PTPRN2: variants seen among roughly 807,000 people sequenced by gnomAD.
PTPRN2 encodes receptor-type tyrosine-protein phosphatase N2.
Under a neutral mutation model 118.8 loss-of-function variants are expected in PTPRN2, and 74 were observed. That is an observed-to-expected ratio of 0.62 (90% confidence interval 0.52 to 0.76). The LOEUF is 0.76. Ranked by LOEUF, PTPRN2 falls within the 30% of genes least tolerant of loss-of-function variation. The pLI is 0.00. For missense variants in PTPRN2, 1,481 were observed against 1,394.4 expected, an observed-to-expected ratio of 1.06 and a Z score of -0.99; for synonymous variants, 641 against 608.0, an observed-to-expected ratio of 1.05 and a Z score of -0.80.
intron 11 of PTPRN2, among the ~76,000 whole-genome samples, chr7:157,900,650 T>A (rs774523084): frequency 2.2e-4 from 34 of 152,170 alleles, no homozygotes; most frequent in Non-Finnish European, 2.5e-4. Context: ...TGCTCTGAGC[T>A]CCTCAGTCTG....
rs1022492390 is a variant in PTPRN2 at position 157,764,915 on chromosome 7, CCATT to C, written c.1789-81982_1789-81979del. On this transcript the variant is annotated intron_variant, in intron 12 of 22. Transcript: ENST00000389418. The surrounding 1 kb of genome is among the most constrained non-coding windows in gnomAD (Gnocchi z 4.5). ...CCCATCCATCTACCCATCCATCCAT[CCATT>C]GATCCATCCATATCCATCCATCCAT... Among the ~76,000 whole-genome samples, 12 of 150,810 alleles carry C rather than the reference CCATT, an allele frequency of 8.0e-5. No individual in the cohort carries two copies. The highest frequency in any genetic ancestry group is 2.0e-4 in the Admixed American group (3 of 15,148).
In PTPRN2 at chr7:157,583,504, G is replaced by C. The variant is rs1296364792; in HGVS notation, c.2497-5364C>G. On this transcript the variant is annotated intron_variant, in intron 17 of 22. Coordinates refer to ENST00000389418, the MANE Select transcript of PTPRN2 (RefSeq NM_002847.5). The surrounding 1 kb of genome is among the most constrained non-coding windows in gnomAD (Gnocchi z 5.5). ...AGAAACGGTAACTACGCGAGGAGACGTGTATTCATTAGCTTGACTGTGGTC... is the reference window on the plus strand; with the variant it reads ...AGAAACGGTAACTACGCGAGGAGACCTGTATTCATTAGCTTGACTGTGGTC... 6.6e-6 allele frequency among the ~76,000 whole-genome samples: 1 copy of C among 152,146 alleles called. No homozygotes were observed. Among genetic ancestry groups the C allele is most frequent in the African/African-American group, 2.4e-5 (1 of 41,442 alleles).
intron 5 of PTPRN2, among the ~76,000 whole-genome samples, chr7:158,189,633 C>T (rs907976796): frequency 8.5e-5 from 13 of 152,334 alleles, no homozygotes; most frequent in South Asian, 2.1e-4. Context: ...AAACTTCTTC[C>T]GAGTCTCTGA....
intron 1 of PTPRN2, among the ~76,000 whole-genome samples, chr7:158,534,632 C>T (rs1429444145): frequency 6.6e-6 from 1 of 152,208 alleles, no homozygotes; most frequent in African/African-American, 2.4e-5. Context: ...AGCTTGTCCA[C>T]CACAGTCCCT....
chr7:158,140,954 C>G (rs533062829), intron 6 of PTPRN2, among the ~76,000 whole-genome samples: 1 of 152,194 alleles, frequency 6.6e-6, no homozygotes, highest in South Asian at 2.1e-4. Flanking sequence ...CTCATGGCCA[C>G]GTCTCTACCT....
At position 157,729,003 on chromosome 7, in the gene PTPRN2, G is replaced by A. The variant is rs562646745; in HGVS notation, c.1789-46066C>T. Among the ~76,000 whole-genome samples, 57 of 152,310 alleles carry A rather than the reference G, an allele frequency of 3.7e-4. No homozygotes were observed. The highest frequency in any genetic ancestry group is 3.4e-3 in the Middle Eastern group (1 of 294). On this transcript the variant is annotated intron_variant, in intron 12 of 22. Transcript: ENST00000389418. This position sits in a 1 kb window ranked among gnomAD's most constrained non-coding sequence, Gnocchi z 4.3. ...CCGGGGCCAGGGGAGTTTGGCTCAC[G>A]TGATCCAGTCACACAGAGGTCGGTC...
intron 17 of PTPRN2, among the ~76,000 whole-genome samples, chr7:157,586,870 G>A (rs1800705131): frequency 6.6e-6 from 1 of 152,240 alleles, no homozygotes; most frequent in South Asian, 2.1e-4. Context: ...CGGGCTGAGC[G>A]GATGCCATCT....
chr7:157,883,318 A>G (rs990671415), intron 12 of PTPRN2, among the ~76,000 whole-genome samples: 3 of 151,594 alleles, frequency 2.0e-5, no homozygotes, highest in Admixed American at 6.6e-5. Context: ...GTTGGAGATC[A>G]GAACACACCA....
chr7:158,091,920 TTGGGTGGG>T (rs1585409835), intron 10 of PTPRN2, among the ~76,000 whole-genome samples: 4 of 66,068 alleles, frequency 6.1e-5, no homozygotes, highest in Admixed American at 1.7e-4. Context: ...AGAGAGATGG[TTGGGTGGG>T]TGGGTGGATG....
chr7:158,543,932 C>T (rs1402947499), intron 1 of PTPRN2, among the ~76,000 whole-genome samples: 2 of 152,342 alleles, frequency 1.3e-5, no homozygotes, highest in Admixed American at 6.5e-5. Context: ...GAAGCAGCTC[C>T]GCACTGTGGG....
chr7:158,085,189 G>A (rs556462136), intron 10 of PTPRN2, among the ~76,000 whole-genome samples: 19 of 98,584 alleles, frequency 1.9e-4, no homozygotes, highest in African/African-American at 6.1e-4. Flanking sequence ...CACCCACGAC[G>A]CCCATCCACA....
At chr7:158,428,368 C>T (rs1815910678) in intron 2 of PTPRN2, among the ~76,000 whole-genome samples, 1 of 152,096 alleles carries the variant, frequency 6.6e-6, no homozygotes, top group Admixed American at 6.5e-5. Flanking sequence ...CTCGGGGGAA[C>T]CCTTAGGGAA....
chr7:158,179,602 A>C (rs1824518405), intron 5 of PTPRN2, among the ~76,000 whole-genome samples: 1 of 152,270 alleles, frequency 6.6e-6, no homozygotes, highest in Middle Eastern at 3.4e-3. Context: ...ATCTTCTAGA[A>C]GTTTTATGGT....
intron 11 of PTPRN2, among the ~76,000 whole-genome samples, chr7:157,980,688 G>GT (rs1195829287): frequency 3.9e-5 from 6 of 152,150 alleles, no homozygotes; most frequent in Non-Finnish European, 7.4e-5. Flanking sequence ...CTGGGCGGAG[G>GT]TTGCAAGTGA....
chr7:157,792,960 G>A (rs1804613024), intron 12 of PTPRN2, among the ~76,000 whole-genome samples: 1 of 152,222 alleles, frequency 6.6e-6, no homozygotes, highest in South Asian at 2.1e-4. Context: ...TTTCTAAAGT[G>A]GAGGCAAGGG....
chr7:158,204,535 T>G (rs887688535), intron 4 of PTPRN2, among the ~76,000 whole-genome samples: 4 of 150,620 alleles, frequency 2.7e-5, no homozygotes, highest in South Asian at 2.1e-4. Flanking sequence ...CATTTTCATG[T>G]TTTTTTTTAA....
intron 6 of PTPRN2, among the ~76,000 whole-genome samples, chr7:158,157,747 A>ACCCCC (rs113485142): frequency 6.6e-6 from 1 of 151,748 alleles, no homozygotes; most frequent in African/African-American, 2.4e-5. Flanking sequence ...CCACAGAGTG[A>ACCCCC]CCCCCCCAGC....
In PTPRN2 at chr7:157,785,749, C is replaced by T. The variant is rs984637861; in HGVS notation, c.1789-102812G>A. Reference sequence around the variant, plus strand: ...GCATGGCGGGAGGGGAGAAGAATCGCGATCCTTTCCAGGTACACAGTCTAG... The same window carrying T: ...GCATGGCGGGAGGGGAGAAGAATCGTGATCCTTTCCAGGTACACAGTCTAG... On this transcript the variant is annotated intron_variant, in intron 12 of 22. Coordinates refer to ENST00000389418, the MANE Select transcript of PTPRN2 (RefSeq NM_002847.5). The surrounding 1 kb of genome is among the most constrained non-coding windows in gnomAD (Gnocchi z 7.3). 6.6e-5 allele frequency among the ~76,000 whole-genome samples: 10 copies of T among 152,152 alleles called. No homozygotes were observed. The highest frequency in any genetic ancestry group is 1.3e-4 in the Non-Finnish European group (9 of 68,014).
chr7:158,460,514 A>G (rs1343701884), intron 2 of PTPRN2, among the ~76,000 whole-genome samples: 1 of 151,042 alleles, frequency 6.6e-6, no homozygotes, highest in Non-Finnish European at 1.5e-5. Context: ...GACTCTATCT[A>G]CATGCTCCTC....
Sources: gnomAD v4.1 joint callset for allele counts (sites outside exome capture counted in the v4.1 genomes callset) on GRCh38, gnomAD v4.1.1 for gene constraint, Gnocchi (gnomAD v3.1) non-coding constraint, MANE v1.5 for transcripts, NCBI Gene and HGNC (gene_info 2026-07-23, HGNC 2026-07-21) for gene names.